Variants in DNAH3 observed in about 807,000 individuals in gnomAD.
DNAH3 encodes axonemal beta dynein heavy chain 3.
A neutral mutation model predicts 432.5 loss-of-function variants in DNAH3; 332 were observed. The observed-to-expected ratio is 0.77, with a 90% confidence interval of 0.70 to 0.84. DNAH3 has a LOEUF of 0.84. DNAH3 is among the 40% of genes least tolerant of loss of function. The pLI is 0.00. For synonymous variants in DNAH3, 1,956 were observed against 1,900.2 expected, an observed-to-expected ratio of 1.03 and a Z score of -0.76; for missense variants, 4,861 against 5,114.0, an observed-to-expected ratio of 0.95 and a Z score of 1.51.
Position 21,127,821 on chromosome 16 carries a change from A to G in DNAH3, c.1083-9T>C, listed in dbSNP as rs1296918147. 6.2e-7 allele frequency: 1 copy of G among 1,613,750 alleles called. No individual in the cohort carries two copies. The highest frequency in any genetic ancestry group is 1.3e-5 in the African/African-American group (1 of 74,908). ...ACCTGAGGTCTCTGAATCTGCCAAA[A>G]GAGAGGGAGAAATTTCCTAAGCTAA... On this transcript the variant is annotated splice_polypyrimidine_tract_variant and intron_variant, in intron 7 of 61. Transcript: ENST00000261383.
chr16:20,975,016 A>C (rs1216538660), intron 51 of DNAH3, among the ~76,000 whole-genome samples: 2 of 141,208 alleles, frequency 1.4e-5, no homozygotes, highest in African/African-American at 5.3e-5. Context: ...TTTAAAGTAG[A>C]GATGAGGTTT....
At chr16:21,110,400 A>G (rs912707045) in intron 14 of DNAH3, among the ~76,000 whole-genome samples, 1 of 152,194 alleles carries the variant, frequency 6.6e-6, no homozygotes, top group Non-Finnish European at 1.5e-5. Flanking sequence ...TGATAGAAAA[A>G]GAAATTTTTT....
intron 19 of DNAH3, among the ~76,000 whole-genome samples, chr16:21,084,074 CAG>C (rs1374224094): frequency 7.3e-6 from 1 of 137,892 alleles, no homozygotes; most frequent in Non-Finnish European, 1.7e-5. Flanking sequence ...CTGAGTCAAA[CAG>C]TGTAGAAAAA....
chr16:21,054,506 A>C, exon 28 of DNAH3: 3 of 1,614,096 alleles, frequency 1.9e-6, no homozygotes, highest in Non-Finnish European at 2.5e-6. Context: ...AATCTGCGCA[A>C]TCTGATCATT....
At chr16:20,944,716 A>G in intron 57 of DNAH3, 53 bp from the exon 58 acceptor site, 2 of 1,590,226 alleles carry the variant, frequency 1.3e-6, no homozygotes, top group South Asian at 2.2e-5. Context: ...AATCCCACAG[A>G]TGACTCCAGG....
intron 5 of DNAH3, among the ~76,000 whole-genome samples, chr16:21,138,629 A>C (rs1220225195): frequency 6.6e-6 from 1 of 152,076 alleles, no homozygotes; most frequent in African/African-American, 2.4e-5. Flanking sequence ...TGACCTACAT[A>C]GTGAAACCCC....
exon 47 of DNAH3, chr16:20,987,445 C>G (rs779432035): frequency 5.0e-6 from 8 of 1,613,924 alleles, no homozygotes; most frequent in Non-Finnish European, 6.8e-6. Flanking sequence ...CATTTTTCTA[C>G]ATCCTAAAAA....
At chr16:21,023,287 A>G (rs2088350135) in intron 39 of DNAH3, among the ~76,000 whole-genome samples, 1 of 152,206 alleles carries the variant, frequency 6.6e-6, no homozygotes, top group Admixed American at 6.5e-5. Flanking sequence ...GGGGATAAAC[A>G]ATGGAAAAGG....
chr16:20,944,624 G>A (rs1468131548), exon 58 of DNAH3: 2 of 1,614,112 alleles, frequency 1.2e-6, no homozygotes. Context: ...ACTTCTGGGT[G>A]GGCTGTGATG....
At chr16:20,972,680 A>G (rs1234250785) in intron 51 of DNAH3, among the ~76,000 whole-genome samples, 1 of 151,536 alleles carries the variant, frequency 6.6e-6, no homozygotes, top group Non-Finnish European at 1.5e-5. Flanking sequence ...GCCAGGTCTC[A>G]GGACTCAGTG....
Position 20,989,831 on chromosome 16 carries a change from G to A in DNAH3, c.6602-1766C>T, listed in dbSNP as rs529532098. On this transcript the variant is annotated intron_variant, in intron 44 of 61. Transcript: ENST00000261383. ...TCAGTGAGAAATCGAGCGCAGCACC[G>A]GTGGGCTGGCACTGCTGGGGGACCC... 3.9e-5 allele frequency among the ~76,000 whole-genome samples: 6 copies of A among 152,346 alleles called. No homozygotes were observed. In the East Asian group the frequency reaches 7.7e-4, roughly 20 times the overall value.
chr16:20,964,952 T>C, exon 53 of DNAH3: 1 of 1,614,140 alleles, frequency 6.2e-7, no homozygotes, highest in South Asian at 1.1e-5. Flanking sequence ...CATCTGTCCT[T>C]CTCTCCCCCA....
chr16:21,061,520 G>A (rs538873649), intron 25 of DNAH3, among the ~76,000 whole-genome samples: 4 of 152,128 alleles, frequency 2.6e-5, no homozygotes, highest in East Asian at 1.9e-4. Flanking sequence ...CACCACGCCC[G>A]GCCCATTTTT....
intron 59 of DNAH3, among the ~76,000 whole-genome samples, chr16:20,940,397 T>C (rs1273775276): frequency 6.6e-6 from 1 of 151,990 alleles, no homozygotes; most frequent in Admixed American, 6.6e-5. Context: ...GGTAGCAGGA[T>C]TAGTAACTGG....
At chr16:21,052,137 G>A (rs577649842) in intron 28 of DNAH3, among the ~76,000 whole-genome samples, 16 of 152,122 alleles carry the variant, frequency 1.1e-4, no homozygotes, top group East Asian at 9.7e-4. Context: ...GATTATAGGC[G>A]CACGCCACCA....
intron 53 of DNAH3, among the ~76,000 whole-genome samples, chr16:20,962,390 T>C (rs1186674531): frequency 1.3e-5 from 2 of 152,132 alleles, no homozygotes; most frequent in Admixed American, 6.5e-5. Flanking sequence ...GCCCGTGCAT[T>C]GTGAGGCTTC....
rs1351369507 is a variant in DNAH3, at chr16:20,985,732, T to C, written c.7027-17A>G. ...GATAAGCACCTGTAAGAAAAGTAAA[T>C]CTCGGCGGGGCATTCAGTGAATGGC... On this transcript the variant is annotated splice_polypyrimidine_tract_variant and intron_variant, in intron 47 of 61. Coordinates refer to ENST00000261383, the Ensembl canonical transcript of DNAH3. 3 of 1,604,860 alleles carry C rather than the reference T, an allele frequency of 1.9e-6. No homozygotes were observed. The highest frequency in any genetic ancestry group is 4.5e-5 in the East Asian group (2 of 44,752).
intron 56 of DNAH3, among the ~76,000 whole-genome samples, chr16:20,949,867 C>T (rs1462374693): frequency 6.6e-6 from 1 of 152,166 alleles, no homozygotes; most frequent in Non-Finnish European, 1.5e-5. Flanking sequence ...TTATGACCGG[C>T]AGGCAGTTGG....
intron 44 of DNAH3, among the ~76,000 whole-genome samples, chr16:20,992,547 C>T (rs910641413): frequency 6.6e-6 from 1 of 152,088 alleles, no homozygotes; most frequent in African/African-American, 2.4e-5. Context: ...GGGGTTTCAC[C>T]GTGTTAGCCA....
Sources: gnomAD v4.1 joint callset for allele counts (sites outside exome capture counted in the v4.1 genomes callset) on GRCh38, gnomAD v4.1.1 for gene constraint, MANE v1.5 for transcripts, NCBI Gene and HGNC (gene_info 2026-07-23, HGNC 2026-07-21) for gene names.